The following RIMS2 variants were observed in gnomAD, a reference collection of about 807,000 sequenced individuals.
RIMS2 encodes the protein regulating synaptic membrane exocytosis 2, also known as regulating synaptic membrane exocytosis protein 2.
In RIMS2, 59 loss-of-function variants were observed where a neutral mutation model predicts 174.4. The ratio of observed to expected loss-of-function variants is 0.34; its 90% CI spans 0.27 to 0.42. RIMS2 has a LOEUF of 0.42. Among genes scored for constraint, RIMS2 ranks in the 10% least tolerant of loss-of-function variants. The pLI is 1.00. For synonymous variants in RIMS2, 606 were observed against 572.5 expected, an observed-to-expected ratio of 1.06 and a Z score of -0.84; for missense variants, 1,620 against 1,666.3, an observed-to-expected ratio of 0.97 and a Z score of 0.48.
intron 2 of RIMS2, among the ~76,000 whole-genome samples, chr8:103,750,134 G>A (rs896989537): frequency 6.6e-6 from 1 of 151,536 alleles, no homozygotes; most frequent in Non-Finnish European, 1.5e-5. Context: ...TGGCCCAACT[G>A]GATTCACTGC....
intron 19 of RIMS2, among the ~76,000 whole-genome samples, chr8:104,099,249 T>TTTTTG (rs1374372661): frequency 3.3e-5 from 5 of 152,156 alleles, no homozygotes; most frequent in African/African-American, 9.7e-5. Flanking sequence ...CAAGCTTAGT[T>TTTTTG]TTTTGTTTTG....
chr8:103,808,985 A>G (rs2154461088), intron 3 of RIMS2, among the ~76,000 whole-genome samples: 1 of 152,320 alleles, frequency 6.6e-6, no homozygotes, highest in Admixed American at 6.5e-5. Context: ...TGACTCAAAA[A>G]GCATTGCTAC....
At chr8:103,723,417 T>C (rs1458545736) in intron 2 of RIMS2, among the ~76,000 whole-genome samples, 1 of 152,208 alleles carries the variant, frequency 6.6e-6, no homozygotes, top group South Asian at 2.1e-4. Flanking sequence ...GTCTTCAGGA[T>C]CCATGGGCAG....
At chr8:104,110,734 A>T (rs2098166328) in intron 19 of RIMS2, among the ~76,000 whole-genome samples, 1 of 152,170 alleles carries the variant, frequency 6.6e-6, no homozygotes, top group South Asian at 2.1e-4. Context: ...AATCCCCTGC[A>T]CTGATGCTTT....
intron 1 of RIMS2, among the ~76,000 whole-genome samples, chr8:103,544,355 C>T (rs974825538): frequency 6.6e-6 from 1 of 152,142 alleles, no homozygotes; most frequent in African/African-American, 2.4e-5. Flanking sequence ...TTACGCTTGT[C>T]CTGGGAAATA....
chr8:104,039,776 C>A (rs1048991855), intron 19 of RIMS2, among the ~76,000 whole-genome samples: 4 of 151,616 alleles, frequency 2.6e-5, no homozygotes, highest in Non-Finnish European at 4.4e-5. Context: ...CTTTGAGAAG[C>A]AGGTGGATTG....
At chr8:103,535,692 C>T (rs185330878) in intron 1 of RIMS2, among the ~76,000 whole-genome samples, 33 of 152,264 alleles carry the variant, frequency 2.2e-4, no homozygotes, top group African/African-American at 7.0e-4. Context: ...TGGGTGATGG[C>T]TTAGTCTTTC....
chr8:103,734,230 C>T (rs1218481277), intron 2 of RIMS2, among the ~76,000 whole-genome samples: 3 of 150,366 alleles, frequency 2.0e-5, no homozygotes, highest in African/African-American at 7.3e-5. Flanking sequence ...CCAGGATGGT[C>T]TCAATCTCTT....
intron 3 of RIMS2, among the ~76,000 whole-genome samples, chr8:103,788,430 G>C (rs1316799604): frequency 6.9e-6 from 1 of 145,588 alleles, no homozygotes; most frequent in Admixed American, 6.9e-5. Flanking sequence ...TGATGATGGT[G>C]ATGTACAGAT....
chr8:103,819,008 A>C (rs1043881503), intron 3 of RIMS2, among the ~76,000 whole-genome samples: 4 of 152,102 alleles, frequency 2.6e-5, no homozygotes, highest in African/African-American at 4.8e-5. Context: ...GTTTTTCAGG[A>C]AAAGAGAAAA....
chr8:104,032,425 T>C (rs1468628068), intron 19 of RIMS2, among the ~76,000 whole-genome samples: 3 of 152,046 alleles, frequency 2.0e-5, no homozygotes, highest in Non-Finnish European at 4.4e-5. Context: ...GTTACACATT[T>C]TTTTGTGTGA....
intron 19 of RIMS2, among the ~76,000 whole-genome samples, chr8:104,041,580 T>C (rs570606981): frequency 2.0e-5 from 3 of 151,780 alleles, no homozygotes; most frequent in Non-Finnish European, 4.4e-5. Flanking sequence ...TTATGTAATA[T>C]GTATAGATGT....
At chr8:103,627,641 G>A (rs7828116) in intron 1 of RIMS2, among the ~76,000 whole-genome samples, 4,718 of 152,248 alleles carry the variant, frequency 0.031, 221 homozygotes, top group African/African-American at 0.1. Context: ...TTCTGCCTCG[G>A]CTCCAGCCGG....
intron 3 of RIMS2, among the ~76,000 whole-genome samples, chr8:103,881,368 G>C (rs973341692): frequency 6.6e-6 from 1 of 151,420 alleles, no homozygotes; most frequent in African/African-American, 2.4e-5. Context: ...AATATGGTCA[G>C]AATTATAGCT....
At chr8:103,643,776 TTC>T (rs1244616033) in intron 1 of RIMS2, among the ~76,000 whole-genome samples, 1 of 151,896 alleles carries the variant, frequency 6.6e-6, no homozygotes, top group African/African-American at 2.4e-5. Context: ...CATCTGATAG[TTC>T]TGTCATTAGG....
chr8:103,655,230 A>C (rs1370244660), intron 1 of RIMS2, among the ~76,000 whole-genome samples: 4 of 151,924 alleles, frequency 2.6e-5, no homozygotes, highest in African/African-American at 9.6e-5. Flanking sequence ...TTAATATATA[A>C]ATTAAATAAT....
At chr8:103,789,949 A>T (rs191284681) in intron 3 of RIMS2, among the ~76,000 whole-genome samples, 2 of 152,078 alleles carry the variant, frequency 1.3e-5, no homozygotes, top group African/African-American at 2.4e-5. Context: ...CTTAGTAGAG[A>T]TGGCATCTCT....
chr8:104,073,319 T>C (rs1020000667), intron 19 of RIMS2, among the ~76,000 whole-genome samples: 5 of 152,218 alleles, frequency 3.3e-5, no homozygotes, highest in African/African-American at 1.2e-4. Context: ...TTTTTAAATG[T>C]TCCCACAAGC....
At chr8:104,202,628 T>C (rs2099060661) in intron 19 of RIMS2, among the ~76,000 whole-genome samples, 1 of 152,240 alleles carries the variant, frequency 6.6e-6, no homozygotes, top group South Asian at 2.1e-4. Context: ...GGTCACTTTC[T>C]TGCTACCTCT....
Sources: gnomAD v4.1 joint callset for allele counts (sites outside exome capture counted in the v4.1 genomes callset) on GRCh38, gnomAD v4.1.1 for gene constraint, MANE v1.5 for transcripts, NCBI Gene and HGNC (gene_info 2026-07-23, HGNC 2026-07-21) for gene names.